Variants in PI16 observed in about 807,000 individuals in gnomAD.
PI16 encodes the protein peptidase inhibitor 16.
A neutral mutation model predicts 38.0 loss-of-function variants in PI16; 35 were observed. The ratio of observed to expected loss-of-function variants is 0.92; its 90% confidence interval spans 0.70 to 1.22. The LOEUF (loss-of-function observed/expected upper bound fraction) is 1.22. Among genes scored for constraint, PI16 ranks in the 50% most tolerant of loss-of-function variants. The pLI is 0.00. For synonymous variants in PI16, 275 were observed against 252.9 expected (o/e 1.09, Z -0.83); for missense variants, 572 against 593.8 (o/e 0.96, Z 0.38).
Position 36,954,890 on chromosome 6 carries a change from C to G in PI16, c.130C>G (p.Arg44Gly), listed in dbSNP as rs760764623. 2.5e-6 allele frequency: 4 copies of G among 1,613,728 alleles called. No homozygotes were observed. The highest frequency in any genetic ancestry group is 2.7e-5 in the African/African-American group (2 of 74,906). The change falls in exon 1 of 7, where the codon CGG (arginine) becomes GGG (glycine). Residue 44 changes from arginine (R) to glycine (G), a missense_variant. By Grantham distance (125) the Arg-to-Gly change is moderately radical. Transcript: ENST00000373674. ...RLMVELHNLY[R>G]AQVSPTASDM... ...GATGGTGGAGCTGCACAACCTCTAC[C>G]GGGCCCAGGTATCCCCGACGGCCTC... is the stretch of plus-strand genomic sequence containing the variant.
intron 1 of PI16, among the ~76,000 whole-genome samples, chr6:36,949,246 C>T (rs1763063784): frequency 6.6e-6 from 1 of 152,090 alleles, no homozygotes. Context: ...CTCAGCCTGC[C>T]AAGTAACTGG....
Position 36,963,523 on chromosome 6 carries a change from C to T in PI16, c.1181C>T (p.Ser394Phe). The change falls in exon 5 of 7, where the codon TCC becomes TTC. Residue 394 changes from serine (S) to phenylalanine (F), a missense_variant. Transcript: ENST00000373674. ...QATLDHTGHT[S>F]SKSLPNFPNT... ...ACACTGGACCACACGGGGCACACCTCCTCCAAGTCCCTGCCCAATTTCCCC... is the reference window on the plus strand; with the variant it reads ...ACACTGGACCACACGGGGCACACCTTCTCCAAGTCCCTGCCCAATTTCCCC... The T allele has an allele frequency of 6.2e-7, 1 of 1,614,202 alleles. No individual in the cohort carries two copies. The highest frequency in any genetic ancestry group is 8.5e-7 in the Non-Finnish European group (1 of 1,180,042).
Position 36,962,457 on chromosome 6 carries a change from T to C in PI16, c.593-478T>C, listed in dbSNP as rs571000982. Among the ~76,000 whole-genome samples the C allele has an allele frequency of 5.3e-5, 8 of 152,108 alleles. No individual in the cohort carries two copies. The highest frequency in any genetic ancestry group is 1.9e-4 in the African/African-American group (8 of 41,516). Reference sequence around the variant, plus strand: ...ACTGTGTCAATCACCAGAAGTAACGTTTCTTTTCTTTTCTTTTTTCTTTTT... The same window carrying C: ...ACTGTGTCAATCACCAGAAGTAACGCTTCTTTTCTTTTCTTTTTTCTTTTT... On this transcript the variant is annotated intron_variant, in intron 4 of 6. Transcript: ENST00000373674. The surrounding 1 kb of genome is among the most constrained non-coding windows in gnomAD (Gnocchi z 4.1).
Position 36,959,558 on chromosome 6 carries a change from ACT to A in PI16, c.393+195_393+196del, listed in dbSNP as rs774340369. 9.2e-5 allele frequency among the ~76,000 whole-genome samples: 14 copies of A among 152,098 alleles called. No individual in the cohort carries two copies. In the East Asian group the frequency reaches 1.5e-3, roughly 17 times the overall value. ...CACTGCAGCTAATACGCTGTCTAAG[ACT>A]CTGACGGAGTCGGCTGCTCCTAGTC... On this transcript the variant is annotated intron_variant, in intron 2 of 6. Coordinates refer to ENST00000373674, the MANE Select transcript of PI16 (RefSeq NM_153370.3).
At chr6:36,963,754 A>G in intron 5 of PI16, 69 bp from the exon 6 acceptor site, 1 of 1,534,280 alleles carries the variant, frequency 6.5e-7, no homozygotes, top group Non-Finnish European at 8.8e-7. Context: ...ACCTCCTTGC[A>G]TGGTGGGGTG....
chr6:36,964,077 A>C (rs1583241035), intron 6 of PI16, 115 bp downstream of exon 6: 1 of 1,286,256 alleles, frequency 7.8e-7, no homozygotes, highest in East Asian at 2.5e-5. Context: ...GCCCCCCTTC[A>C]CCCCAACTTC....
In PI16 at chr6:36,959,881, A is replaced by T. The variant is rs920535295; in HGVS notation, c.393+515A>T. Among the ~76,000 whole-genome samples, 195 of 151,390 alleles carry T rather than the reference A, an allele frequency of 1.3e-3. 1 individual carries two copies. Among genetic ancestry groups the T allele is most frequent in the African/African-American group, 4.6e-3 (188 of 41,250 alleles). On this transcript the variant is annotated intron_variant, in intron 2 of 6. Coordinates refer to ENST00000373674, the MANE Select transcript of PI16 (RefSeq NM_153370.3). The stretch of plus-strand genomic sequence containing the variant: ...AGGCCCTGTCTCAAAAAAAAAAAAA[A>T]AAAATTAAATAAATAAATAAATAAA...
chr6:36,962,068 G>A lies in PI16; in HGVS notation c.592+94G>A, dbSNP rs757075891. On this transcript the variant is annotated intron_variant, in intron 4 of 6. Transcript: ENST00000373674. This position sits in a 1 kb window ranked among gnomAD's most constrained non-coding sequence, Gnocchi z 4.1. ...AGAGCCTCCCTGGACTGAGCGGGAC[G>A]TGGGCAGGGAAGGAGCCTGGTGGGA... 7 of 1,121,282 alleles carry A rather than the reference G, an allele frequency of 6.2e-6. No homozygotes were observed. The highest frequency in any genetic ancestry group is 9.4e-6 in the Non-Finnish European group (7 of 746,622). The allele number at this position is 1,121,282 out of a possible 1,614,324, so 69.5% of individuals were successfully genotyped here. A position where few individuals can be genotyped will look rare whatever the true frequency, so the allele number is the denominator to read the frequency against.
intron 1 of PI16, among the ~76,000 whole-genome samples, chr6:36,956,242 C>G (rs72848006): frequency 9.2e-5 from 14 of 152,184 alleles, no homozygotes; most frequent in Admixed American, 5.2e-4. Flanking sequence ...GCCTGCACAT[C>G]GAGGAAAGGT....
Position 36,954,943 on chromosome 6 carries a change from C to T in PI16, c.171+12C>T, listed in dbSNP as rs771026370. The T allele has an allele frequency of 1.2e-6, 2 of 1,611,026 alleles. No individual in the cohort carries two copies. The highest frequency in any genetic ancestry group is 1.7e-6 in the Non-Finnish European group (2 of 1,179,184). On this transcript the variant is annotated intron_variant, in intron 1 of 6. Transcript: ENST00000373674. ...ACATGCTGCACATGGTAAGTGTGGCCACGGCCCTTGCTGGCTGGGATGGAA... is the reference window on the plus strand; with the variant it reads ...ACATGCTGCACATGGTAAGTGTGGCTACGGCCCTTGCTGGCTGGGATGGAA...
At chr6:36,961,066 A>G (rs1031587649) in intron 2 of PI16, among the ~76,000 whole-genome samples, 3 of 152,156 alleles carry the variant, frequency 2.0e-5, no homozygotes, top group African/African-American at 4.8e-5. Context: ...CTGAGGTCTA[A>G]AATTCTACCA....
chr6:36,956,338 C>G (rs1469750722), intron 1 of PI16, among the ~76,000 whole-genome samples: 17 of 152,228 alleles, frequency 1.1e-4, no homozygotes, highest in Admixed American at 1.1e-3. Flanking sequence ...TTCAGTTTCC[C>G]CACCTGTAGA....
chr6:36,962,892 T>C lies in PI16; in HGVS notation c.593-43T>C. 1 of 1,524,548 alleles carries C rather than the reference T, an allele frequency of 6.6e-7. No homozygotes were observed. Among genetic ancestry groups the C allele is most frequent in the Non-Finnish European group, 8.9e-7 (1 of 1,122,722 alleles). 94.4% of individuals were successfully genotyped at this position (1,524,548 alleles called of 1,614,324 possible). ...TTGCAGTGCCATGAGAGATGTGGGG[T>C]CCTGCTTGCAGCACTCATGCCCGTT... is the stretch of plus-strand genomic sequence containing the variant. On this transcript the variant is annotated intron_variant, in intron 4 of 6. Coordinates refer to ENST00000373674, the MANE Select transcript of PI16 (RefSeq NM_153370.3). The surrounding 1 kb of genome is among the most constrained non-coding windows in gnomAD (Gnocchi z 4.1).
In PI16 at chr6:36,948,717, T is replaced by TCG. The variant is rs1561891352; in HGVS notation, c.-82+315_-82+316dup. ...TTTCCTTACTGTCTCCCTTTCTCTC[T>TCG]CGCTCTCTCTCTCTCCCCTTCCTTC... is the stretch of plus-strand genomic sequence containing the variant. On this transcript the variant is annotated intron_variant, in intron 1 of 7. Coordinates refer to the PI16 transcript ENST00000611814. 4.5e-5 allele frequency among the ~76,000 whole-genome samples: 4 copies of TCG among 88,394 alleles called. No homozygotes were observed. In the South Asian group the frequency reaches 1.4e-3, roughly 32 times the overall value. The allele number at this position is 88,394 out of a possible 152,430, so 58.0% of individuals were successfully genotyped here.
rs148119018 is a variant in PI16 at position 36,954,841 on chromosome 6, C to T, written c.81C>T (p.Ala27=). The T allele has an allele frequency of 9.9e-6, 16 of 1,614,028 alleles. No individual in the cohort carries two copies. In the African/African-American group the frequency reaches 2.0e-4, roughly 20 times the overall value. ...TGGCCACCACAGGCCCCGTTGGAGC[C>T]CTCACAGATGAGGAGAAACGTTTGA... is the stretch of plus-strand genomic sequence containing the variant. ...LLVATTGPVG[A]LTDEEKRLMV... The change falls in exon 1 of 7, where the codon GCC becomes GCT. Residue 27 remains alanine (A), a synonymous_variant. Coordinates refer to ENST00000373674, the MANE Select transcript of PI16 (RefSeq NM_153370.3).
rs746593536 is a variant in PI16 at position 36,954,834 on chromosome 6, T to C, written c.74T>C (p.Val25Ala). 3.4e-5 allele frequency: 55 copies of C among 1,613,808 alleles called. No homozygotes were observed. Among genetic ancestry groups the C allele is most frequent in the Middle Eastern group, 1.6e-4 (1 of 6,066 alleles). Residue 25 changes from valine (V) to alanine (A), a missense_variant, in exon 1 of 7, where the codon GTT (valine) becomes GCT (alanine). Coordinates refer to ENST00000373674, the MANE Select transcript of PI16 (RefSeq NM_153370.3). ...CTGCTGGTGGCCACCACAGGCCCCGTTGGAGCCCTCACAGATGAGGAGAAA... is the reference window on the plus strand; with the variant it reads ...CTGCTGGTGGCCACCACAGGCCCCGCTGGAGCCCTCACAGATGAGGAGAAA... ...LLLLVATTGPVGALTDEEKRL... is the reference protein window; with the variant it reads ...LLLLVATTGPAGALTDEEKRL...
chr6:36,959,001 G>A, intron 1 of PI16, 144 bp from the exon 2 acceptor site: 2 of 708,566 alleles, frequency 2.8e-6, no homozygotes, highest in East Asian at 2.7e-5. Context: ...CCCACCCAGA[G>A]CAGAGACCTG....
chr6:36,963,017 A>C lies in PI16; in HGVS notation c.675A>C (p.Ser225=). 1 of 1,614,186 alleles carries C rather than the reference A, an allele frequency of 6.2e-7. No individual in the cohort carries two copies. The highest frequency in any genetic ancestry group is 8.5e-7 in the Non-Finnish European group (1 of 1,180,030). ...CATCCTTCCGGGCGACTGAAGCATC[A>C]GACTCTAGGAAAATGGGTACTCCTT... The part of the protein sequence containing the change: ...EAPSFRATEA[S]DSRKMGTPSS... Residue 225 remains serine (S), a synonymous_variant, in exon 5 of 7, where the codon TCA becomes TCC. Transcript: ENST00000373674.
intron 1 of PI16, 41 bp downstream of exon 1, chr6:36,954,972 G>A (rs1317292262): frequency 3.1e-6 from 5 of 1,595,538 alleles, no homozygotes; most frequent in Non-Finnish European, 3.4e-6. Context: ...GATGGAAGGG[G>A]TGCTGGCCAG....
Sources: allele counts gnomAD v4.1 joint callset (sites outside exome capture counted in the v4.1 genomes callset), GRCh38; gene constraint gnomAD v4.1.1; non-coding constraint Gnocchi (gnomAD v3.1); transcripts MANE v1.5; gene names NCBI Gene and HGNC (gene_info 2026-07-23, HGNC 2026-07-21).